Variants in MUL1 observed in about 807,000 individuals in gnomAD.
MUL1 encodes the protein mitochondrial E3 ubiquitin protein ligase 1.
In MUL1, 30 loss-of-function variants were observed where a neutral mutation model predicts 34.1. That is an observed-to-expected ratio of 0.88 (90% CI 0.66 to 1.19). The LOEUF is 1.19. Ranked by LOEUF, MUL1 falls within the 50% of genes most tolerant of loss-of-function variation. The pLI is 0.00. For missense variants in MUL1, 419 were observed against 450.5 expected (o/e 0.93, Z 0.63); for synonymous variants, 191 against 187.8 (o/e 1.02, Z -0.14).
rs747437335 is a variant in MUL1 at position 20,501,266 on chromosome 1, G to A, written c.483C>T (p.Pro161=). 9.9e-6 allele frequency: 16 copies of A among 1,614,062 alleles called. No individual in the cohort carries two copies. Among genetic ancestry groups the A allele is most frequent in the Admixed American group, 1.7e-5 (1 of 59,998 alleles). ...TGACATCGGTGAAGGACTGAATCGAGGGGTGGAACTTCTCATACACAGTCT... is the reference window on the plus strand; with the variant it reads ...TGACATCGGTGAAGGACTGAATCGAAGGGTGGAACTTCTCATACACAGTCT... ...GLETVYEKFH[P]SIQSFTDVIG... Residue 161 remains proline, a synonymous_variant, in exon 4 of 4, where the codon CCC becomes CCT. Coordinates refer to ENST00000264198, the MANE Select transcript of MUL1 (RefSeq NM_024544.3). The surrounding 1 kb of genome is among the most constrained non-coding windows in gnomAD (Gnocchi z 4.2).
chr1:20,507,854 C>A (rs2101120735), intron 1 of MUL1, 51 bp downstream of exon 1: 1 of 1,571,830 alleles, frequency 6.4e-7, no homozygotes, highest in Non-Finnish European at 8.6e-7. Flanking sequence ...GGCTCCCCAG[C>A]ACCTGGGACA....
chr1:20,508,130 G>T lies in MUL1; in HGVS notation c.-106C>A, dbSNP rs1311205260. 1 of 1,442,882 alleles carries T rather than the reference G, an allele frequency of 6.9e-7. No individual in the cohort carries two copies. 89.4% of individuals were successfully genotyped at this position (1,442,882 alleles called of 1,614,324 possible). ...GGACCGCACCCCCCCGGCCTAACCTGACCGGAAACTCGAAATCAGTCGCCC... is the reference window on the plus strand; with the variant it reads ...GGACCGCACCCCCCCGGCCTAACCTTACCGGAAACTCGAAATCAGTCGCCC... On this transcript the variant is annotated 5_prime_UTR_variant, in exon 1 of 4. Transcript: ENST00000264198.
At position 20,499,499 on chromosome 1, in the gene MUL1, C is replaced by G. The variant is rs192259434; in HGVS notation, c.*1191G>C. 1 of 152,372 alleles carries G rather than the reference C, an allele frequency of 6.6e-6. No homozygotes were observed. Among genetic ancestry groups the G allele is most frequent in the East Asian group, 1.9e-4 (1 of 5,182 alleles). 9.4% of individuals were successfully genotyped at this position (152,372 alleles called of 1,614,324 possible). On this transcript the variant is annotated 3_prime_UTR_variant, in exon 4 of 4. Transcript: ENST00000264198. ...TGTTCACACTGGACACTGCATCATA[C>G]TAGTGTCGGCCCCTGAGGGCACCCC...
rs1297467162 is a variant in MUL1, at chr1:20,500,890, G to A, written c.859C>T (p.Leu287=). Residue 287 remains leucine, a synonymous_variant, in exon 4 of 4, where the codon CTG becomes TTG. Coordinates refer to ENST00000264198, the MANE Select transcript of MUL1 (RefSeq NM_024544.3). ...CTGTCCTCAGGCTTGGCTCGGCTCA[G>A]CAGCTGGGCCTCATGCTCCTGGAAC... ...EEFQEHEAQL[L]SRAKPEDRES... is the part of the protein sequence containing the mutation. 2 of 1,614,146 alleles carry A rather than the reference G, an allele frequency of 1.2e-6. No homozygotes were observed. Among genetic ancestry groups the A allele is most frequent in the Non-Finnish European group, 8.5e-7 (1 of 1,180,000 alleles).
chr1:20,505,983 T>C (rs2051710179), intron 1 of MUL1, among the ~76,000 whole-genome samples: 1 of 152,206 alleles, frequency 6.6e-6, no homozygotes, highest in African/African-American at 2.4e-5. Context: ...AATCTCACTA[T>C]AACGCCACTG....
In MUL1 at chr1:20,501,160, C is replaced by T. The variant is rs2051655406; in HGVS notation, c.589G>A (p.Gly197Arg). The change falls in exon 4 of 4, where the codon GGG becomes AGG. Residue 197 changes from glycine to arginine, a missense_variant. Coordinates refer to ENST00000264198, the MANE Select transcript of MUL1 (RefSeq NM_024544.3). The surrounding 1 kb of genome is among the most constrained non-coding windows in gnomAD (Gnocchi z 4.2). ...TTGTCCAGGACCAGTTCGCCAACCC[C>T]TGTGAGGGTGGCCCCCACCTTCAGC... ...EMLKVGATLT[G>R]VGELVLDNNS... 6.2e-7 allele frequency: 1 copy of T among 1,614,126 alleles called. No individual in the cohort carries two copies. Among genetic ancestry groups the T allele is most frequent in the Non-Finnish European group, 8.5e-7 (1 of 1,179,984 alleles).
intron 1 of MUL1, among the ~76,000 whole-genome samples, chr1:20,507,077 A>G (rs1025977003): frequency 6.7e-6 from 1 of 148,752 alleles, no homozygotes; most frequent in Non-Finnish European, 1.5e-5. Context: ...AAATACAAAA[A>G]AGTTAGCTGG....
intron 1 of MUL1, among the ~76,000 whole-genome samples, chr1:20,504,867 C>A (rs1224065944): frequency 6.6e-6 from 1 of 152,200 alleles, no homozygotes; most frequent in Admixed American, 6.5e-5. Flanking sequence ...CCACACCATC[C>A]CTTTACGGTA....
Position 20,500,924 on chromosome 1 carries a change from C to A in MUL1, c.825G>T (p.Met275Ile), listed in dbSNP as rs1371671692. ...QRQERLRLKQ[M>I]QEEFQEHEAQ... ...CCTCATGCTCCTGGAACTCCTCCTGCATCTGCTTGAGGCGCAGGCGCTCCT... is the reference window on the plus strand; with the variant it reads ...CCTCATGCTCCTGGAACTCCTCCTGAATCTGCTTGAGGCGCAGGCGCTCCT... The change falls in exon 4 of 4, where the codon ATG becomes ATT. Residue 275 changes from methionine to isoleucine, a missense_variant. Coordinates refer to ENST00000264198, the MANE Select transcript of MUL1 (RefSeq NM_024544.3). 6.2e-7 allele frequency: 1 copy of A among 1,614,144 alleles called. No individual in the cohort carries two copies. The highest frequency in any genetic ancestry group is 2.2e-5 in the East Asian group (1 of 44,874).
At chr1:20,504,062 G>T (rs990761204) in intron 1 of MUL1, among the ~76,000 whole-genome samples, 3 of 152,042 alleles carry the variant, frequency 2.0e-5, no homozygotes, top group African/African-American at 7.2e-5. Flanking sequence ...CAGAGACAGG[G>T]TCTCCCAATG....
chr1:20,501,931 C>T lies in MUL1; in HGVS notation c.329+138G>A, dbSNP rs1229273740. ...ACATAGGAGGCCCACAGGCTACACA[C>T]AAGAATATGACCTGCATTAAGAGAC... is the stretch of plus-strand genomic sequence containing the variant. On this transcript the variant is annotated intron_variant, in intron 3 of 3. Transcript: ENST00000264198. This position sits in a 1 kb window ranked among gnomAD's most constrained non-coding sequence, Gnocchi z 4.2. 2 of 1,127,766 alleles carry T rather than the reference C, an allele frequency of 1.8e-6. No individual in the cohort carries two copies. The highest frequency in any genetic ancestry group is 2.6e-6 in the Non-Finnish European group (2 of 776,370). The allele number at this position is 1,127,766 out of a possible 1,614,324, so 69.9% of individuals were successfully genotyped here. A position where few individuals can be genotyped will look rare whatever the true frequency, so the allele number is the denominator to read the frequency against.
chr1:20,504,646 G>A (rs908144811), intron 1 of MUL1, among the ~76,000 whole-genome samples: 15 of 152,274 alleles, frequency 9.9e-5, no homozygotes, highest in Admixed American at 9.8e-4. Flanking sequence ...CTCATTATCT[G>A]TCTCCCTCCA....
rs769816599 is a variant in MUL1, at chr1:20,499,785, T to C, written c.*905A>G. The C allele has an allele frequency of 6.6e-6, 1 of 152,244 alleles. No individual in the cohort carries two copies. The highest frequency in any genetic ancestry group is 6.5e-5 in the Admixed American group (1 of 15,288). 9.4% of individuals were successfully genotyped at this position (152,244 alleles called of 1,614,324 possible). A position where few individuals can be genotyped will look rare whatever the true frequency, so the allele number is the denominator to read the frequency against. On this transcript the variant is annotated 3_prime_UTR_variant, in exon 4 of 4. Coordinates refer to ENST00000264198, the MANE Select transcript of MUL1 (RefSeq NM_024544.3). ...GATGAGGGAGCCCCAAGAGGGCATA[T>C]GCTCAGGGTGCCAGCCGGCTGCTTT...
At position 20,508,093 on chromosome 1, in the gene MUL1, T is replaced by A. The variant is rs1034819195; in HGVS notation, c.-69A>T. On this transcript the variant is annotated 5_prime_UTR_variant, in exon 1 of 4. Transcript: ENST00000264198. The stretch of plus-strand genomic sequence containing the variant: ...GCCTGGTGACCCCCGACTCTCCACC[T>A]CCTTCCGACCAGGACCGCACCCCCC... 16 of 1,537,690 alleles carry A rather than the reference T, an allele frequency of 1.0e-5. No homozygotes were observed. Among genetic ancestry groups the A allele is most frequent in the Non-Finnish European group, 1.4e-5 (16 of 1,141,194 alleles).
rs112773790 is a variant in MUL1, at chr1:20,501,224, G to A, written c.525C>T (p.Ser175=). 47 of 1,614,158 alleles carry A rather than the reference G, an allele frequency of 2.9e-5. No individual in the cohort carries two copies. The East Asian group carries it at 7.6e-4, about 26-fold the overall frequency. Residue 175 remains serine (S), a synonymous_variant, in exon 4 of 4, where the codon AGC becomes AGT. Coordinates refer to ENST00000264198, the MANE Select transcript of MUL1 (RefSeq NM_024544.3). This position sits in a 1 kb window ranked among gnomAD's most constrained non-coding sequence, Gnocchi z 4.2. The stretch of plus-strand genomic sequence containing the variant: ...CTTGGATGCCTTTGGGCCGCTCACC[G>A]CTGATGTAGTGGCCGATGACATCGG... ...SFTDVIGHYI[S]GERPKGIQET...
rs2101120855 is a variant in MUL1, at chr1:20,507,950, C to G, written c.75G>C (p.Leu25=). Residue 25 remains leucine, a synonymous_variant, in exon 1 of 4, where the codon CTG becomes CTC. Coordinates refer to ENST00000264198, the MANE Select transcript of MUL1 (RefSeq NM_024544.3). ...LGTTSVVTAA[L]YSVYRQKARV... ...GGGCCTTCTGCCGGTACACGGAGTA[C>G]AGGGCGGCGGTGACCACAGAGGTGG... The G allele has an allele frequency of 6.3e-7, 1 of 1,596,826 alleles. No homozygotes were observed. Among genetic ancestry groups the G allele is most frequent in the Non-Finnish European group, 8.5e-7 (1 of 1,172,648 alleles).
At chr1:20,505,328 T>C (rs1215887787) in intron 1 of MUL1, among the ~76,000 whole-genome samples, 4 of 152,192 alleles carry the variant, frequency 2.6e-5, no homozygotes, top group East Asian at 1.9e-4. Context: ...CTCACACCTG[T>C]AATCCCAGCA....
At position 20,501,337 on chromosome 1, in the gene MUL1, C is replaced by T; in HGVS notation, c.412G>A (p.Ala138Thr). The T allele has an allele frequency of 6.2e-7, 1 of 1,614,192 alleles. No homozygotes were observed. The highest frequency in any genetic ancestry group is 2.2e-5 in the East Asian group (1 of 44,884). ...LVPHEDGVDV[A>T]VRVLKPLDSV... ...TCCAGGGGCTTCAGCACTCGCACAG[C>T]CACATCCACGCCATCCTCGTGGGGC... The change falls in exon 4 of 4, where the codon GCT becomes ACT. Residue 138 changes from alanine to threonine, a missense_variant. By Grantham distance (58) the Ala-to-Thr change is moderately conservative. Coordinates refer to ENST00000264198, the MANE Select transcript of MUL1 (RefSeq NM_024544.3). This position sits in a 1 kb window ranked among gnomAD's most constrained non-coding sequence, Gnocchi z 4.2.
In MUL1 at chr1:20,501,534, C is replaced by A; in HGVS notation, c.330-115G>T. 1 of 1,209,280 alleles carries A rather than the reference C, an allele frequency of 8.3e-7. No homozygotes were observed. The highest frequency in any genetic ancestry group is 2.4e-5 in the East Asian group (1 of 42,048). 74.9% of individuals were successfully genotyped at this position (1,209,280 alleles called of 1,614,324 possible). On this transcript the variant is annotated intron_variant, in intron 3 of 3. Coordinates refer to ENST00000264198, the MANE Select transcript of MUL1 (RefSeq NM_024544.3). The surrounding 1 kb of genome is among the most constrained non-coding windows in gnomAD (Gnocchi z 4.2). ...ATGGTCTGAAGTAACTGGAAGAAGA[C>A]AGTAAGATCACTATCTCCAGTTGCC...
Sources: allele counts gnomAD v4.1 joint callset (sites outside exome capture counted in the v4.1 genomes callset), GRCh38; gene constraint gnomAD v4.1.1; non-coding constraint Gnocchi (gnomAD v3.1); transcripts MANE v1.5; gene names NCBI Gene and HGNC (gene_info 2026-07-23, HGNC 2026-07-21).